PTPRN2: variants seen among roughly 807,000 people sequenced by gnomAD.
PTPRN2 encodes the protein receptor-type tyrosine-protein phosphatase N2.
A neutral mutation model predicts 118.8 loss-of-function variants in PTPRN2; 74 were observed. That is an observed-to-expected ratio of 0.62 (90% CI 0.52 to 0.76). The LOEUF (loss-of-function observed/expected upper bound fraction) is 0.76, where lower values mean the gene tolerates loss of function less well. Ranked by LOEUF, PTPRN2 falls within the 30% of genes least tolerant of loss-of-function variation. The pLI, the probability that PTPRN2 is intolerant of heterozygous loss-of-function variation, is 0.00. For synonymous variants in PTPRN2, 641 were observed against 608.0 expected (o/e 1.05, Z -0.80); for missense variants, 1,481 against 1,394.4 (o/e 1.06, Z -0.99).
chr7:158,329,656 T>G (rs760646183), intron 2 of PTPRN2, among the ~76,000 whole-genome samples: 1 of 152,212 alleles, frequency 6.6e-6, no homozygotes, highest in African/African-American at 2.4e-5. Context: ...AGCCCCGCAA[T>G]AGGTGGTACT....
Position 158,316,868 on chromosome 7 carries a change from G to A in PTPRN2, c.228C>T (p.Pro76=), listed in dbSNP as rs144846771. The change falls in exon 3 of 23, where the codon CCC becomes CCT. Residue 76 remains proline (P), a synonymous_variant. Coordinates refer to ENST00000389418, the MANE Select transcript of PTPRN2 (RefSeq NM_002847.5). ...AMDFYRYEVS[P]VALQRLRVAL... ...CCACGCGCAGGCGCTGCAGGGCCAC[G>A]GGCGACACCTCGTAGCGGTAAAAGT... is the stretch of plus-strand genomic sequence containing the variant. The A allele has an allele frequency of 5.6e-5, 91 of 1,611,728 alleles. No individual in the cohort carries two copies. In the African/African-American group the frequency reaches 6.4e-4, roughly 11 times the overall value.
At position 157,999,526 on chromosome 7, in the gene PTPRN2, C is replaced by G. The variant is rs1167625239; in HGVS notation, c.1723+81772G>C. 3.9e-5 allele frequency among the ~76,000 whole-genome samples: 6 copies of G among 152,182 alleles called. No individual in the cohort carries two copies. The East Asian group carries it at 1.2e-3, about 29-fold the overall frequency. On this transcript the variant is annotated intron_variant, in intron 11 of 22. Coordinates refer to ENST00000389418, the MANE Select transcript of PTPRN2 (RefSeq NM_002847.5). The stretch of plus-strand genomic sequence containing the variant: ...TTCCACCAACACAGGCAGGGGAAAG[C>G]TTGGCCTGGGAACCTGAGTTCTGGG...
intron 1 of PTPRN2, among the ~76,000 whole-genome samples, chr7:158,545,714 T>A (rs940962830): frequency 6.6e-6 from 1 of 152,140 alleles, no homozygotes; most frequent in African/African-American, 2.4e-5. Flanking sequence ...AAATTTCAAA[T>A]CTTGCCAGGC....
intron 3 of PTPRN2, among the ~76,000 whole-genome samples, chr7:158,220,847 G>GA (rs796302831): frequency 0.012 from 897 of 73,660 alleles, 10 homozygotes; most frequent in African/African-American, 0.04. Context: ...CACAGAATTA[G>GA]AAAAAAAAAA....
intron 9 of PTPRN2, among the ~76,000 whole-genome samples, chr7:158,111,794 G>T (rs1816300848): frequency 6.6e-6 from 1 of 152,028 alleles, no homozygotes; most frequent in South Asian, 2.1e-4. Flanking sequence ...ATCATGCTAT[G>T]ATGGGTTGAA....
At chr7:157,825,522 C>T (rs996116166) in intron 12 of PTPRN2, among the ~76,000 whole-genome samples, 3 of 152,228 alleles carry the variant, frequency 2.0e-5, no homozygotes, top group African/African-American at 7.2e-5. Flanking sequence ...CTAATACACA[C>T]GTGTTTGCCA....
chr7:158,521,237 G>A (rs1186929204), intron 1 of PTPRN2, among the ~76,000 whole-genome samples: 1 of 152,192 alleles, frequency 6.6e-6, no homozygotes, highest in Admixed American at 6.5e-5. Flanking sequence ...CAGAACCTGA[G>A]GGTATGCAGG....
chr7:158,142,543 A>G (rs1337002541), intron 6 of PTPRN2, among the ~76,000 whole-genome samples: 3 of 152,152 alleles, frequency 2.0e-5, no homozygotes, highest in Non-Finnish European at 4.4e-5. Context: ...AAACGCAGGG[A>G]TTGGCATGGA....
chr7:158,058,467 A>G (rs1445721998), intron 11 of PTPRN2, among the ~76,000 whole-genome samples: 1 of 44,406 alleles, frequency 2.3e-5, no homozygotes, highest in Non-Finnish European at 4.0e-5. Flanking sequence ...CTCCATCTGC[A>G]CACAGTGACG....
At chr7:158,275,797 C>T (rs1798922526) in intron 3 of PTPRN2, among the ~76,000 whole-genome samples, 1 of 152,284 alleles carries the variant, frequency 6.6e-6, no homozygotes, top group East Asian at 1.9e-4. Flanking sequence ...GGGGCCTCCA[C>T]CGCCAAAGCC....
At position 158,140,416 on chromosome 7, in the gene PTPRN2, GC is replaced by G. The variant is rs554095897; in HGVS notation, c.911-1902del. Among the ~76,000 whole-genome samples the G allele has an allele frequency of 2.0e-4, 30 of 152,346 alleles. No homozygotes were observed. In the South Asian group the frequency reaches 6.2e-3, roughly 32 times the overall value. On this transcript the variant is annotated intron_variant, in intron 6 of 22. Transcript: ENST00000389418. The stretch of plus-strand genomic sequence containing the variant: ...TGAGAGTTAAATGAGACTGTGGGTA[GC>G]AGCCTGACTCCTCATAGTTCCACAG...
At chr7:157,951,558 G>A (rs573559125) in intron 11 of PTPRN2, among the ~76,000 whole-genome samples, 1 of 152,300 alleles carries the variant, frequency 6.6e-6, no homozygotes, top group East Asian at 1.9e-4. Context: ...TTCCACTGCA[G>A]CAAAGTGGAC....
chr7:158,404,469 T>C (rs1205694700), intron 2 of PTPRN2, among the ~76,000 whole-genome samples: 1 of 152,110 alleles, frequency 6.6e-6, no homozygotes, highest in East Asian at 1.9e-4. Flanking sequence ...GCTGAGCCAG[T>C]CCACAGGATG....
At position 158,544,645 on chromosome 7, in the gene PTPRN2, A is replaced by G. The variant is rs948107079; in HGVS notation, c.112+42913T>C. Reference sequence around the variant, plus strand: ...AAGAACCAAACTCTGTCTCAAAAAAAAAAAAAATTATGAGATTTTTTTGCA... The same window carrying G: ...AAGAACCAAACTCTGTCTCAAAAAAGAAAAAAATTATGAGATTTTTTTGCA... On this transcript the variant is annotated intron_variant, in intron 1 of 22. Coordinates refer to ENST00000389418, the MANE Select transcript of PTPRN2 (RefSeq NM_002847.5). The surrounding 1 kb of genome is among the most constrained non-coding windows in gnomAD (Gnocchi z 4.2). 6.6e-6 allele frequency among the ~76,000 whole-genome samples: 1 copy of G among 152,194 alleles called. No homozygotes were observed. The highest frequency in any genetic ancestry group is 1.5e-5 in the Non-Finnish European group (1 of 68,030).
chr7:157,559,530 G>A (rs1799074346), intron 21 of PTPRN2, among the ~76,000 whole-genome samples: 1 of 152,194 alleles, frequency 6.6e-6, no homozygotes, highest in South Asian at 2.1e-4. Flanking sequence ...GGGCAGCTGT[G>A]CCGCAGGAAA....
intron 22 of PTPRN2, among the ~76,000 whole-genome samples, chr7:157,544,613 C>T (rs931390320): frequency 1.3e-5 from 2 of 152,354 alleles, no homozygotes; most frequent in East Asian, 3.9e-4. Context: ...ACACTCATCA[C>T]TGGCTCTACT....
intron 10 of PTPRN2, among the ~76,000 whole-genome samples, chr7:158,100,926 A>G (rs1196702223): frequency 1.3e-5 from 2 of 152,244 alleles, no homozygotes; most frequent in Non-Finnish European, 2.9e-5. Context: ...TAGAATCAAT[A>G]TTGTGAAAAT....
intron 11 of PTPRN2, among the ~76,000 whole-genome samples, chr7:157,942,462 G>A (rs1800205267): frequency 6.6e-6 from 1 of 152,112 alleles, no homozygotes; most frequent in Non-Finnish European, 1.5e-5. Flanking sequence ...CCCACAGAAT[G>A]TTTATATCTT....
intron 2 of PTPRN2, among the ~76,000 whole-genome samples, chr7:158,336,640 C>A (rs1397475799): frequency 3.4e-5 from 5 of 147,408 alleles, no homozygotes; most frequent in Non-Finnish European, 4.5e-5. Flanking sequence ...AGACGTCACT[C>A]ACACCCACAC....
Sources: gnomAD v4.1 joint callset for allele counts (sites outside exome capture counted in the v4.1 genomes callset) on GRCh38, gnomAD v4.1.1 for gene constraint, Gnocchi (gnomAD v3.1) non-coding constraint, MANE v1.5 for transcripts, NCBI Gene and HGNC (gene_info 2026-07-23, HGNC 2026-07-21) for gene names.